Variants in DTNB observed in about 807,000 individuals in gnomAD.
The protein encoded by DTNB is DTN-B.
DTNB carries 63 observed loss-of-function variants against 90.7 expected under a neutral mutation model. The observed-to-expected ratio is 0.69, with a 90% CI of 0.57 to 0.86. The LOEUF (loss-of-function observed/expected upper bound fraction) is 0.86, where lower values mean the gene tolerates loss of function less well. Ranked by LOEUF, DTNB falls within the 40% of genes least tolerant of loss-of-function variation. The pLI, the probability that DTNB is intolerant of heterozygous loss-of-function variation, is 0.00. For missense variants in DTNB, 744 were observed against 807.1 expected, an observed-to-expected ratio of 0.92 and a Z score of 0.95; for synonymous variants, 277 against 286.7, an observed-to-expected ratio of 0.97 and a Z score of 0.34.
At chr2:25,426,596 A>G (rs2051707552) in intron 15 of DTNB, 1 of 152,262 alleles carries the variant, frequency 6.6e-6, no homozygotes, top group Non-Finnish European at 1.5e-5. Flanking sequence ...ATTCGGAATC[A>G]CACCGTCAGT....
chr2:25,427,839 G>A, intron 14 of DTNB: 1 of 428,722 alleles, frequency 2.3e-6, no homozygotes, highest in Non-Finnish European at 4.1e-6. Flanking sequence ...AAAGTGCTTT[G>A]GAAAGTTTAG....
intron 16 of DTNB, among the ~76,000 whole-genome samples, chr2:25,402,470 C>A (rs2043978787): frequency 2.0e-5 from 3 of 152,096 alleles, no homozygotes; most frequent in Admixed American, 6.6e-5. Context: ...TTTTCAACAC[C>A]CTTGGTCAGC....
intron 9 of DTNB, among the ~76,000 whole-genome samples, chr2:25,520,786 T>C (rs921554824): frequency 4.6e-5 from 7 of 152,230 alleles, no homozygotes; most frequent in African/African-American, 1.7e-4. Flanking sequence ...CAAAGTAATG[T>C]ATACACAGAG....
At chr2:25,471,498 C>A (rs980506776) in intron 10 of DTNB, among the ~76,000 whole-genome samples, 8 of 151,866 alleles carry the variant, frequency 5.3e-5, no homozygotes, top group African/African-American at 1.9e-4. Context: ...CAGGTTCAAG[C>A]AATTCTCCTA....
At chr2:25,516,860 C>T (rs2075225025) in intron 9 of DTNB, among the ~76,000 whole-genome samples, 2 of 151,906 alleles carry the variant, frequency 1.3e-5, no homozygotes, top group Admixed American at 6.6e-5. Context: ...CATTGCACTC[C>T]AGCCTGGGCA....
chr2:25,540,142 C>G (rs557763012), intron 8 of DTNB, among the ~76,000 whole-genome samples: 150 of 152,268 alleles, frequency 9.9e-4, no homozygotes, highest in South Asian at 1.9e-3. Context: ...TTTGCACTTT[C>G]CACTTAAGTT....
intron 16 of DTNB, among the ~76,000 whole-genome samples, chr2:25,396,254 C>T (rs1025163086): frequency 6.6e-6 from 1 of 152,098 alleles, no homozygotes; most frequent in African/African-American, 2.4e-5. Flanking sequence ...CACTGGTCTG[C>T]AATCCCAGCA....
rs1293657510 is a variant in DTNB, at chr2:25,405,901, G to C, written c.1575+13614C>G. Among the ~76,000 whole-genome samples, 3 of 152,256 alleles carry C rather than the reference G, an allele frequency of 2.0e-5. No homozygotes were observed. The East Asian group carries it at 5.8e-4, about 29-fold the overall frequency. ...GAGAAACGAGAGACAGGAGACAGGG[G>C]TTCTATCAATAAAGTGGCTTTTCCA... On this transcript the variant is annotated intron_variant, in intron 16 of 20. Coordinates refer to ENST00000406818, the MANE Select transcript of DTNB (RefSeq NM_021907.5).
At chr2:25,639,991 C>A (rs1325636456) in intron 2 of DTNB, among the ~76,000 whole-genome samples, 1 of 152,192 alleles carries the variant, frequency 6.6e-6, no homozygotes, top group African/African-American at 2.4e-5. Context: ...AAGCCCTAAG[C>A]CTTTGAGTCT....
intron 10 of DTNB, among the ~76,000 whole-genome samples, chr2:25,459,031 CTT>C (rs887916844): frequency 1.4e-5 from 2 of 145,022 alleles, no homozygotes. Context: ...TGTAATATGT[CTT>C]TTTTTTTTTT....
intron 9 of DTNB, among the ~76,000 whole-genome samples, chr2:25,526,395 AT>A (rs1245672956): frequency 0.054 from 2,694 of 49,732 alleles, 95 homozygotes; most frequent in Middle Eastern, 0.097. Context: ...ATATATATAT[AT>A]TTTTTTTTTT....
chr2:25,558,511 G>T, intron 8 of DTNB: 1 of 551,710 alleles, frequency 1.8e-6, no homozygotes, highest in Non-Finnish European at 2.3e-6. Context: ...TTTAAGCTAA[G>T]TCATACACTT....
intron 5 of DTNB, among the ~76,000 whole-genome samples, chr2:25,603,003 A>G (rs2066229790): frequency 1.3e-5 from 2 of 152,194 alleles, no homozygotes; most frequent in African/African-American, 2.4e-5. Context: ...ATTCCTTAGG[A>G]TAAACTCAAG....
intron 16 of DTNB, among the ~76,000 whole-genome samples, chr2:25,405,358 T>A (rs1192714539): frequency 1.3e-5 from 2 of 152,074 alleles, no homozygotes; most frequent in Non-Finnish European, 2.9e-5. Context: ...CTGACCAACA[T>A]GGTGAAACCC....
At chr2:25,605,402 T>C (rs565245739) in intron 5 of DTNB, among the ~76,000 whole-genome samples, 4 of 152,198 alleles carry the variant, frequency 2.6e-5, no homozygotes, top group Non-Finnish European at 5.9e-5. Context: ...TCACTTCGTG[T>C]TCCTCCAAAA....
At chr2:25,626,858 A>G (rs1345063560) in intron 4 of DTNB, among the ~76,000 whole-genome samples, 1 of 152,352 alleles carries the variant, frequency 6.6e-6, no homozygotes, top group African/African-American at 2.4e-5. Flanking sequence ...TCAGATGGCC[A>G]AGAGTATAGC....
At chr2:25,399,887 G>A (rs1313066117) in intron 16 of DTNB, among the ~76,000 whole-genome samples, 4 of 88,412 alleles carry the variant, frequency 4.5e-5, no homozygotes, top group Non-Finnish European at 8.3e-5. Context: ...AGTTAACCTC[G>A]TCTCAGACAT....
At chr2:25,566,831 T>C (rs1468716574) in intron 8 of DTNB, among the ~76,000 whole-genome samples, 2 of 152,016 alleles carry the variant, frequency 1.3e-5, no homozygotes, top group East Asian at 1.9e-4. Context: ...CAGTTGAAAG[T>C]GAAGGCAGCT....
chr2:25,652,546 A>AAC, intron 2 of DTNB, 48 bp downstream of exon 2: 1 of 1,555,976 alleles, frequency 6.4e-7, no homozygotes, highest in Non-Finnish European at 8.6e-7. Context: ...AAAAAAAAAA[A>AAC]AACCACACAA....
Sources: gnomAD v4.1 joint callset for allele counts (sites outside exome capture counted in the v4.1 genomes callset) on GRCh38, gnomAD v4.1.1 for gene constraint, MANE v1.5 for transcripts, NCBI Gene and HGNC (gene_info 2026-07-23, HGNC 2026-07-21) for gene names.